Variants in CUL2 observed in about 807,000 individuals in gnomAD.
CUL2 encodes the protein cullin 2.
In CUL2, 22 loss-of-function variants were observed where a neutral mutation model predicts 110.2. The ratio of observed to expected loss-of-function variants is 0.20; its 90% confidence interval spans 0.14 to 0.28. The LOEUF (loss-of-function observed/expected upper bound fraction) is 0.28. Among genes scored for constraint, CUL2 ranks in the 10% least tolerant of loss-of-function variants. CUL2 has a pLI of 1.00. For synonymous variants in CUL2, 279 were observed against 293.2 expected, an observed-to-expected ratio of 0.95 and a Z score of 0.49; for missense variants, 631 against 905.5, an observed-to-expected ratio of 0.70 and a Z score of 3.89.
intron 1 of CUL2, among the ~76,000 whole-genome samples, chr10:35,124,683 T>C (rs2087718643): frequency 6.6e-6 from 1 of 152,174 alleles, no homozygotes; most frequent in Non-Finnish European, 1.5e-5. Context: ...GGCACGATAC[T>C]AACACATTTG....
Position 35,102,524 on chromosome 10 carries a change from A to T in CUL2, c.-50-1464T>A, listed in dbSNP as rs2087395844. ...GAGGCAGAGGTTACAGTGAGCTGAG[A>T]CTGTTCCACTGCACTCCAGCCTGAG... is the stretch of plus-strand genomic sequence containing the variant. On this transcript the variant is annotated intron_variant, in intron 1 of 5. Transcript: ENST00000685421. 2.0e-5 allele frequency among the ~76,000 whole-genome samples: 3 copies of T among 152,032 alleles called. No homozygotes were observed. In the South Asian group the frequency reaches 6.2e-4, roughly 32 times the overall value.
chr10:35,017,317 GAATCTGAATGTTTTCATAAAAATGTTT>G (rs1370629246), intron 17 of CUL2, among the ~76,000 whole-genome samples: 3 of 151,748 alleles, frequency 2.0e-5, no homozygotes, highest in South Asian at 2.1e-4. Context: ...GATAGCAAAA[GAATCTGAATGTTTTCATAAAAATGTTT>G]AATCTGAATG....
rs923961269 is a variant in CUL2 at position 35,031,973 on chromosome 10, C to G, written c.1171-354G>C. ...TTTTTAAAAAGAACAAGTCAAATAT[C>G]AAATCATCACTTATTGACCAATAAA... On this transcript the variant is annotated intron_variant, in intron 12 of 20. Transcript: ENST00000374749. The surrounding 1 kb of genome is among the most constrained non-coding windows in gnomAD (Gnocchi z 4.4). 2.6e-5 allele frequency among the ~76,000 whole-genome samples: 4 copies of G among 152,090 alleles called. No individual in the cohort carries two copies. Among genetic ancestry groups the G allele is most frequent in the Admixed American group, 1.3e-4 (2 of 15,274 alleles).
At chr10:35,022,060 G>C (rs1433971410) in intron 17 of CUL2, among the ~76,000 whole-genome samples, 1 of 146,298 alleles carries the variant, frequency 6.8e-6, no homozygotes, top group Non-Finnish European at 1.5e-5. Flanking sequence ...TCAAAACACC[G>C]TACTGTAACT....
chr10:35,066,329 G>A (rs1373371677), intron 2 of CUL2, among the ~76,000 whole-genome samples: 2 of 151,164 alleles, frequency 1.3e-5, no homozygotes, highest in Non-Finnish European at 2.9e-5. Flanking sequence ...TTGAGACGGA[G>A]TTTCGCTCTT....
chr10:35,032,221 T>C (rs1015765377), intron 12 of CUL2, among the ~76,000 whole-genome samples: 3 of 152,200 alleles, frequency 2.0e-5, no homozygotes, highest in Admixed American at 6.5e-5. Context: ...AAAGTAGATA[T>C]ACATTAAAAC....
At chr10:35,020,585 T>C (rs7908573) in intron 17 of CUL2, among the ~76,000 whole-genome samples, 46,645 of 152,118 alleles carry the variant, frequency 0.31, 7,454 homozygotes, top group South Asian at 0.35. Context: ...CTATGTACTG[T>C]CTGGTGAAGT....
intron 19 of CUL2, among the ~76,000 whole-genome samples, chr10:35,013,495 C>T (rs2084954629): frequency 6.6e-6 from 1 of 152,078 alleles, no homozygotes; most frequent in Non-Finnish European, 1.5e-5. Flanking sequence ...AAAACCATAC[C>T]CTTTTCCTTA....
intron 2 of CUL2, among the ~76,000 whole-genome samples, chr10:35,067,708 C>A (rs551913022): frequency 6.6e-6 from 1 of 150,810 alleles, no homozygotes; most frequent in East Asian, 2.0e-4. Context: ...CACACCACTG[C>A]ACTCCAACCT....
intron 10 of CUL2, among the ~76,000 whole-genome samples, chr10:35,034,634 C>G (rs1423305127): frequency 6.6e-6 from 1 of 152,124 alleles, no homozygotes; most frequent in Non-Finnish European, 1.5e-5. Flanking sequence ...TGTTACAGTA[C>G]AAACTGTTAC....
intron 19 of CUL2, among the ~76,000 whole-genome samples, chr10:35,012,197 G>T (rs886649657): frequency 1.3e-5 from 2 of 151,898 alleles, no homozygotes; most frequent in Non-Finnish European, 2.9e-5. Flanking sequence ...GGGATTACAG[G>T]TATGCACCAC....
At position 35,049,679 on chromosome 10, in the gene CUL2, T is replaced by G; in HGVS notation, c.506+4A>C. 6.2e-7 allele frequency: 1 copy of G among 1,609,954 alleles called. No individual in the cohort carries two copies. The highest frequency in any genetic ancestry group is 1.1e-5 in the South Asian group (1 of 90,676). Reference sequence around the variant, plus strand: ...GACTCAGTAAGATAAATGTCAGCACTCACTTTTTGATTTCTCGGAGCAGCA... The same window carrying G: ...GACTCAGTAAGATAAATGTCAGCACGCACTTTTTGATTTCTCGGAGCAGCA... On this transcript the variant is annotated splice_donor_region_variant and intron_variant, in intron 6 of 20. Transcript: ENST00000374749.
At chr10:35,065,760 G>A (rs1178643841) in intron 2 of CUL2, among the ~76,000 whole-genome samples, 1 of 152,226 alleles carries the variant, frequency 6.6e-6, no homozygotes, top group East Asian at 1.9e-4. Flanking sequence ...TCGGGAGGCT[G>A]AGGCAGGAGA....
chr10:35,049,997 T>C (rs543536420), intron 5 of CUL2, among the ~76,000 whole-genome samples: 2 of 152,312 alleles, frequency 1.3e-5, no homozygotes, highest in South Asian at 4.1e-4. Context: ...TATTATTAGT[T>C]GAAAATCTTA....
intron 2 of CUL2, among the ~76,000 whole-genome samples, chr10:35,068,147 G>A (rs944093751): frequency 2.0e-5 from 3 of 151,188 alleles, no homozygotes; most frequent in East Asian, 3.9e-4. Flanking sequence ...AAGGCTGGGT[G>A]CAATGGCTCA....
upstream of CUL2, chr10:35,126,880 GC>G (rs1398520030): frequency 2.0e-5 from 3 of 152,338 alleles, no homozygotes; most frequent in African/African-American, 7.2e-5. Context: ...CCTGCTGGCG[GC>G]CGGCAGGGGG....
chr10:35,107,547 A>G (rs1480590454), intron 1 of CUL2, among the ~76,000 whole-genome samples: 1 of 152,060 alleles, frequency 6.6e-6, no homozygotes, highest in Non-Finnish European at 1.5e-5. Flanking sequence ...ATTTTGTGCC[A>G]TGTTTATGTA....
rs868741247 is a variant in CUL2, at chr10:35,068,059, G to A, written c.119+3140C>T. Among the ~76,000 whole-genome samples, 13 of 148,092 alleles carry A rather than the reference G, an allele frequency of 8.8e-5. No individual in the cohort carries two copies. The South Asian group carries it at 2.2e-3, about 25-fold the overall frequency. On this transcript the variant is annotated intron_variant, in intron 2 of 20. Coordinates refer to ENST00000374749, the MANE Select transcript of CUL2 (RefSeq NM_003591.4). ...CGGGAGGCGGAGCTTGCAGTGAGCC[G>A]AGATCGAGCCACTGCACTCTAGCCT...
At chr10:35,028,968 G>T in intron 15 of CUL2, 81 bp from the exon 16 acceptor site, 1 of 847,648 alleles carries the variant, frequency 1.2e-6, no homozygotes, top group South Asian at 1.9e-5. Flanking sequence ...AATAATCTAA[G>T]CATCTAAAAC....
Sources: allele counts gnomAD v4.1 joint callset (sites outside exome capture counted in the v4.1 genomes callset), GRCh38; gene constraint gnomAD v4.1.1; non-coding constraint Gnocchi (gnomAD v3.1); transcripts MANE v1.5; gene names NCBI Gene and HGNC (gene_info 2026-07-23, HGNC 2026-07-21).